Variants in USH2A observed in about 807,000 individuals in gnomAD.
The protein encoded by USH2A is usherin.
A neutral mutation model predicts 538.9 loss-of-function variants in USH2A; 443 were observed. The ratio of observed to expected loss-of-function variants is 0.82; its 90% CI spans 0.76 to 0.89. USH2A has a LOEUF of 0.89. Ranked by LOEUF, USH2A falls within the 40% of genes least tolerant of loss-of-function variation. The pLI, the probability that USH2A is intolerant of heterozygous loss-of-function variation, is 0.00. For missense variants in USH2A, 6,633 were observed against 6,324.8 expected (o/e 1.05, Z -1.65); for synonymous variants, 2,413 against 2,273.5 (o/e 1.06, Z -1.75).
At chr1:215,926,614 C>CTGTTTTT (rs1666243504) in intron 38 of USH2A, among the ~76,000 whole-genome samples, 1 of 75,846 alleles carries the variant, frequency 1.3e-5, no homozygotes, top group Non-Finnish European at 2.3e-5. Flanking sequence ...ACCTACCTAT[C>CTGTTTTT]TTTTTTTTTT....
chr1:215,692,998 G>A (rs1398946424), intron 61 of USH2A, among the ~76,000 whole-genome samples: 2 of 151,042 alleles, frequency 1.3e-5, no homozygotes, highest in African/African-American at 2.4e-5. Flanking sequence ...CTGTCTCCAA[G>A]ACTCAAACAA....
intron 36 of USH2A, among the ~76,000 whole-genome samples, chr1:215,965,902 C>A (rs1571852660): frequency 6.7e-6 from 1 of 148,338 alleles, no homozygotes; most frequent in East Asian, 2.0e-4. Context: ...CACCACATAT[C>A]TTGACTCTCT....
chr1:215,649,917 A>T (rs904714245), intron 65 of USH2A, among the ~76,000 whole-genome samples: 27 of 152,170 alleles, frequency 1.8e-4, no homozygotes, highest in Non-Finnish European at 3.4e-4. Context: ...TAATGCAGGA[A>T]CTGGTCTAGT....
intron 21 of USH2A, among the ~76,000 whole-genome samples, chr1:216,150,948 CAAACTT>C (rs1219336984): frequency 6.6e-6 from 1 of 152,130 alleles, no homozygotes; most frequent in Non-Finnish European, 1.5e-5. Flanking sequence ...TCAATACTGA[CAAACTT>C]AAAAACATTA....
intron 61 of USH2A, among the ~76,000 whole-genome samples, chr1:215,681,332 A>AACACACAC (rs10625816): frequency 1.7e-4 from 25 of 148,106 alleles, no homozygotes; most frequent in African/African-American, 6.0e-4. Context: ...CACACACACG[A>AACACACAC]ACACACACAC....
chr1:216,340,058 T>G lies in USH2A; in HGVS notation c.785-12404A>C, dbSNP rs949224995. Among the ~76,000 whole-genome samples, 6 of 151,058 alleles carry G rather than the reference T, an allele frequency of 4.0e-5. No homozygotes were observed. In the East Asian group the frequency reaches 1.2e-3, roughly 29 times the overall value. On this transcript the variant is annotated intron_variant, in intron 4 of 71. Transcript: ENST00000307340. ...CAATGAATCCAGGAGCTGTTTTTTT[T>G]GAAAACAAACAAACAAACAAACAAA...
chr1:216,068,721 A>G (rs971025109), intron 30 of USH2A, among the ~76,000 whole-genome samples: 3 of 152,148 alleles, frequency 2.0e-5, no homozygotes, highest in African/African-American at 7.2e-5. Context: ...AACAGAAAGG[A>G]AAAAAAGCGT....
intron 16 of USH2A, among the ~76,000 whole-genome samples, chr1:216,203,386 A>G (rs972403): frequency 0.21 from 31,812 of 152,036 alleles, 4,255 homozygotes; most frequent in East Asian, 0.43. Flanking sequence ...TAGAACAATT[A>G]TAACAATATA....
rs559849177 is a variant in USH2A at position 216,294,895 on chromosome 1, T to A, written c.1645-2525A>T. Among the ~76,000 whole-genome samples the A allele has an allele frequency of 2.6e-5, 4 of 152,056 alleles. No homozygotes were observed. The East Asian group carries it at 7.7e-4, about 29-fold the overall frequency. ...CATTTTTCTTTAGTATACTCTTTTT[T>A]AATTGACTTTAAAGATTTTATCAGA... On this transcript the variant is annotated intron_variant, in intron 9 of 71. Coordinates refer to ENST00000307340, the MANE Select transcript of USH2A (RefSeq NM_206933.4).
intron 61 of USH2A, among the ~76,000 whole-genome samples, chr1:215,698,901 G>A (rs1418937505): frequency 6.6e-6 from 1 of 152,176 alleles, no homozygotes; most frequent in Non-Finnish European, 1.5e-5. Flanking sequence ...CTTTGCCCAT[G>A]CCTATGTCCT....
intron 20 of USH2A, 83 bp from the exon 21 acceptor site, chr1:216,175,565 A>G: frequency 8.2e-7 from 1 of 1,223,352 alleles, no homozygotes; most frequent in Non-Finnish European, 1.2e-6. Flanking sequence ...GTATATATGT[A>G]TTTGTATATA....
Position 216,078,123 on chromosome 1 carries a change from C to G in USH2A, c.5538G>C (p.Leu1846=), listed in dbSNP as rs370356689. 1.1e-5 allele frequency: 18 copies of G among 1,613,570 alleles called. No individual in the cohort carries two copies. Among genetic ancestry groups the G allele is most frequent in the Non-Finnish European group, 1.3e-5 (15 of 1,179,768 alleles). ...AACACAAATGTTGATAAGAGTTCAG[C>G]AGTTCCTGTGGGATTCCTCCCACAT... ...PVYVGGIPQE[L]LNSYQHLCLE... The change falls in exon 27 of 72, where the codon CTG becomes CTC. Residue 1846 remains leucine, a synonymous_variant. Transcript: ENST00000307340.
chr1:215,678,564 G>A (rs1220375153), intron 62 of USH2A, among the ~76,000 whole-genome samples: 1 of 152,198 alleles, frequency 6.6e-6, no homozygotes, highest in Non-Finnish European at 1.5e-5. Context: ...TTCTAAAATA[G>A]CCTGAGCAGG....
chr1:216,291,108 C>T (rs1335619460), intron 10 of USH2A, among the ~76,000 whole-genome samples: 1 of 151,668 alleles, frequency 6.6e-6, no homozygotes, highest in Non-Finnish European at 1.5e-5. Flanking sequence ...CTCATTATGC[C>T]CCTTTCCCAT....
At chr1:216,353,726 A>G (rs2038330357) in intron 4 of USH2A, among the ~76,000 whole-genome samples, 1 of 152,134 alleles carries the variant, frequency 6.6e-6, no homozygotes, top group Admixed American at 6.6e-5. Context: ...TGTTGTTATA[A>G]TAGTTCAACA....
At chr1:216,292,762 G>C (rs753682840) in intron 9 of USH2A, among the ~76,000 whole-genome samples, 1 of 152,104 alleles carries the variant, frequency 6.6e-6, no homozygotes, top group African/African-American at 2.4e-5. Flanking sequence ...AACATGCAAA[G>C]TGATCTTAAT....
At chr1:216,308,734 C>A (rs1571686734) in intron 9 of USH2A, among the ~76,000 whole-genome samples, 1 of 152,082 alleles carries the variant, frequency 6.6e-6, no homozygotes, top group African/African-American at 2.4e-5. Flanking sequence ...ACTTTTGAAA[C>A]TATATTATGA....
At position 215,640,609 on chromosome 1, in the gene USH2A, C is replaced by T. The variant is rs201426385; in HGVS notation, c.14917G>A (p.Val4973Met). 58 of 1,613,722 alleles carry T rather than the reference C, an allele frequency of 3.6e-5. No homozygotes were observed. The highest frequency in any genetic ancestry group is 3.3e-4 in the Middle Eastern group (2 of 6,082). ...AGGGTGGTGTCCAAGCCGCTGTACA[C>T]GCGTCGCCCTCCGTCGGTTAACACG... ...EYVLTDGGRR[V>M]YSGLDTTLYI... is the part of the protein sequence containing the mutation. Residue 4973 changes from valine (V) to methionine (M), a missense_variant, in exon 68 of 72, where the codon GTG becomes ATG. By Grantham distance (21) the Val-to-Met change is conservative (BLOSUM62 1). Transcript: ENST00000307340.
intron 30 of USH2A, among the ~76,000 whole-genome samples, chr1:216,061,953 G>A (rs1269909923): frequency 6.6e-6 from 1 of 152,124 alleles, no homozygotes; most frequent in Non-Finnish European, 1.5e-5. Context: ...TCTTAGCAAA[G>A]GCTTTTATTA....
Sources: allele counts gnomAD v4.1 joint callset (sites outside exome capture counted in the v4.1 genomes callset), GRCh38; gene constraint gnomAD v4.1.1; transcripts MANE v1.5; gene names NCBI Gene and HGNC (gene_info 2026-07-23, HGNC 2026-07-21).